BMPR2: variants seen among roughly 807,000 people sequenced by gnomAD.
BMPR2 encodes the protein bone morphogenetic protein receptor type-2.
BMPR2 carries 29 observed loss-of-function variants against 100.8 expected under a neutral mutation model. The ratio of observed to expected loss-of-function variants is 0.29; its 90% CI spans 0.21 to 0.39. BMPR2 has a LOEUF of 0.39. BMPR2 is among the 10% of genes least tolerant of loss of function. BMPR2 has a pLI of 1.00. For missense variants in BMPR2, 1,011 were observed against 1,274.5 expected (o/e 0.79, Z 3.15); for synonymous variants, 382 against 442.3 (o/e 0.86, Z 1.71).
At chr2:202,484,692 C>G (rs984899091) in intron 3 of BMPR2, among the ~76,000 whole-genome samples, 1 of 143,124 alleles carries the variant, frequency 7.0e-6, no homozygotes, top group Non-Finnish European at 1.5e-5. Flanking sequence ...AAAGGCTGGG[C>G]GCGGTGGCTC....
At position 202,564,266 on chromosome 2, in the gene BMPR2, A is replaced by T. The variant is rs1688720381; in HGVS notation, c.*4320A>T. On this transcript the variant is annotated 3_prime_UTR_variant, in exon 13 of 13. Transcript: ENST00000374580. ...CTAGAATTTGAGATTATATTTCCAT[A>T]CAACATTTTATAAAGTTATGTTGAA... 1 of 152,246 alleles carries T rather than the reference A, an allele frequency of 6.6e-6. No homozygotes were observed. Among genetic ancestry groups the T allele is most frequent in the East Asian group, 1.9e-4 (1 of 5,202 alleles). The allele number at this position is 152,246 out of a possible 1,614,324, so 9.4% of individuals were successfully genotyped here. A position where few individuals can be genotyped will look rare whatever the true frequency, so the allele number is the denominator to read the frequency against.
At chr2:202,500,686 A>G (rs1346404408) in intron 3 of BMPR2, among the ~76,000 whole-genome samples, 3 of 152,244 alleles carry the variant, frequency 2.0e-5, no homozygotes, top group African/African-American at 7.2e-5. Context: ...TTCTGGGAGT[A>G]CAAAAACCAA....
chr2:202,447,052 A>C (rs1163934237), intron 1 of BMPR2, among the ~76,000 whole-genome samples: 2 of 149,396 alleles, frequency 1.3e-5, no homozygotes, highest in Non-Finnish European at 2.9e-5. Flanking sequence ...TCACACCTGT[A>C]ATCCCAGCAC....
intron 3 of BMPR2, among the ~76,000 whole-genome samples, chr2:202,477,435 T>C (rs1054362554): frequency 1.3e-5 from 2 of 152,176 alleles, no homozygotes; most frequent in African/African-American, 4.8e-5. Flanking sequence ...TTGTTTCCTA[T>C]GTCCTTATAC....
At chr2:202,500,141 C>T (rs189711361) in intron 3 of BMPR2, among the ~76,000 whole-genome samples, 45 of 152,232 alleles carry the variant, frequency 3.0e-4, no homozygotes, top group African/African-American at 1.0e-3. Flanking sequence ...CACTGAGCCC[C>T]GGGTATGTTT....
rs1688680871 is a variant in BMPR2 at position 202,561,686 on chromosome 2, A to T, written c.*1740A>T. On this transcript the variant is annotated 3_prime_UTR_variant, in exon 13 of 13. Coordinates refer to ENST00000374580, the MANE Select transcript of BMPR2 (RefSeq NM_001204.7). Reference sequence around the variant, plus strand: ...TTTATGTTTTTATCTCCTGAACAATATTTTCTCACTCATATTCCTCTATCT... The same window carrying T: ...TTTATGTTTTTATCTCCTGAACAATTTTTTCTCACTCATATTCCTCTATCT... The T allele has an allele frequency of 6.6e-6, 1 of 152,120 alleles. No individual in the cohort carries two copies. The allele number at this position is 152,120 out of a possible 1,614,324, so 9.4% of individuals were successfully genotyped here. A position where few individuals can be genotyped will look rare whatever the true frequency, so the allele number is the denominator to read the frequency against.
intron 9 of BMPR2, among the ~76,000 whole-genome samples, chr2:202,540,047 T>A (rs1345957142): frequency 5.3e-5 from 8 of 152,164 alleles, no homozygotes; most frequent in Admixed American, 5.2e-4. Flanking sequence ...ACTAAACAAG[T>A]TTCTATTGAA....
At chr2:202,440,153 T>A (rs1173583914) in intron 1 of BMPR2, among the ~76,000 whole-genome samples, 1 of 150,820 alleles carries the variant, frequency 6.6e-6, no homozygotes, top group Non-Finnish European at 1.5e-5. Flanking sequence ...CTGATCTCTC[T>A]TTCTTTTCCC....
chr2:202,385,313 C>G (rs1258898659), intron 1 of BMPR2, among the ~76,000 whole-genome samples: 1 of 146,894 alleles, frequency 6.8e-6, no homozygotes, highest in Non-Finnish European at 1.5e-5. Flanking sequence ...TCACACAACC[C>G]TAACACTTTT....
intron 1 of BMPR2, among the ~76,000 whole-genome samples, chr2:202,423,447 G>C (rs1033520970): frequency 6.6e-6 from 1 of 152,106 alleles, no homozygotes; most frequent in Non-Finnish European, 1.5e-5. Flanking sequence ...CTTGCTTCTT[G>C]GTGTTAAAAA....
intron 3 of BMPR2, among the ~76,000 whole-genome samples, chr2:202,485,064 C>G (rs1264997921): frequency 6.6e-6 from 1 of 151,562 alleles, no homozygotes; most frequent in Non-Finnish European, 1.5e-5. Context: ...TGGGCTCAAG[C>G]AATCCTCCCG....
chr2:202,479,892 A>G (rs768454407), intron 3 of BMPR2, among the ~76,000 whole-genome samples: 1 of 152,036 alleles, frequency 6.6e-6, no homozygotes, highest in Admixed American at 6.6e-5. Flanking sequence ...CTTCTTAAAC[A>G]TTGTATATTT....
chr2:202,515,069 C>A, intron 5 of BMPR2, 90 bp downstream of exon 5: 1 of 1,292,386 alleles, frequency 7.7e-7, no homozygotes, highest in Non-Finnish European at 1.1e-6. Context: ...GACATTCATT[C>A]ATTTATTTAA....
In BMPR2 at chr2:202,555,338, A is replaced by C. The variant is rs750061667; in HGVS notation, c.1673A>C (p.His558Pro). ...TCATACATTGAAGACTCTATCCATC[A>C]TACTGACAGCATCGTGAAGAATATT... ...SSSYIEDSIH[H>P]TDSIVKNISS... Residue 558 changes from histidine to proline, a missense_variant, in exon 12 of 13, where the codon CAT becomes CCT. Physicochemically the swap from His to Pro is moderately conservative, Grantham distance 77 (BLOSUM62 -2). Transcript: ENST00000374580. 1.2e-6 allele frequency: 2 copies of C among 1,614,112 alleles called. No individual in the cohort carries two copies. Among genetic ancestry groups the C allele is most frequent in the South Asian group, 2.2e-5 (2 of 91,082 alleles).
At chr2:202,385,919 CTTG>C (rs1457519080) in intron 1 of BMPR2, among the ~76,000 whole-genome samples, 1 of 152,024 alleles carries the variant, frequency 6.6e-6, no homozygotes, top group East Asian at 1.9e-4. Context: ...GTATGTCCTG[CTTG>C]TTGTTTGATT....
At chr2:202,545,081 TTTC>T (rs1368666076) in intron 10 of BMPR2, among the ~76,000 whole-genome samples, 2 of 151,966 alleles carry the variant, frequency 1.3e-5, no homozygotes, top group African/African-American at 2.4e-5. Context: ...TTTTTAATTA[TTTC>T]TTACCTTTCA....
Position 202,463,913 on chromosome 2 carries a change from A to G in BMPR2, c.77-896A>G, listed in dbSNP as rs1044091743. Among the ~76,000 whole-genome samples the G allele has an allele frequency of 3.7e-4, 56 of 152,232 alleles. 1 individual carries two copies. The highest frequency in any genetic ancestry group is 9.2e-4 in the Admixed American group (14 of 15,284). ...GGTGGCTCACGCCTGTAATCCCAGC[A>G]CTTTTGGAGGCCTAGTTGGGTGGAT... On this transcript the variant is annotated intron_variant, in intron 1 of 12. Coordinates refer to ENST00000374580, the MANE Select transcript of BMPR2 (RefSeq NM_001204.7).
At chr2:202,449,732 G>A (rs1426793430) in intron 1 of BMPR2, among the ~76,000 whole-genome samples, 2 of 152,176 alleles carry the variant, frequency 1.3e-5, no homozygotes, top group African/African-American at 4.8e-5. Flanking sequence ...GTTTACACCT[G>A]GTTTTCTCCT....
intron 1 of BMPR2, among the ~76,000 whole-genome samples, chr2:202,398,662 T>C (rs1382992678): frequency 2.0e-5 from 3 of 152,232 alleles, no homozygotes; most frequent in Admixed American, 6.5e-5. Flanking sequence ...GAACATTGTT[T>C]AGTAATACTA....
Sources: gnomAD v4.1 joint callset for allele counts (sites outside exome capture counted in the v4.1 genomes callset) on GRCh38, gnomAD v4.1.1 for gene constraint, MANE v1.5 for transcripts, NCBI Gene and HGNC (gene_info 2026-07-23, HGNC 2026-07-21) for gene names.